CNTNAP2: variants seen among roughly 807,000 people sequenced by gnomAD.
CNTNAP2 encodes contactin associated protein 2.
Under a neutral mutation model 155.2 loss-of-function variants are expected in CNTNAP2, and 98 were observed. That is an observed-to-expected ratio of 0.63 (90% CI 0.54 to 0.75). The LOEUF (loss-of-function observed/expected upper bound fraction) is 0.75. CNTNAP2 is among the 30% of genes least tolerant of loss of function. The pLI is 0.00. For synonymous variants in CNTNAP2, 651 were observed against 631.2 expected (o/e 1.03, Z -0.47); for missense variants, 1,727 against 1,688.1 (o/e 1.02, Z -0.40).
intron 15 of CNTNAP2, among the ~76,000 whole-genome samples, chr7:148,020,178 C>T (rs1282523125): frequency 6.6e-6 from 1 of 152,230 alleles, no homozygotes; most frequent in Non-Finnish European, 1.5e-5. Flanking sequence ...TCATCATCAG[C>T]AGTACACTTG....
intron 9 of CNTNAP2, among the ~76,000 whole-genome samples, chr7:147,367,870 G>C (rs369312721): frequency 6.6e-5 from 10 of 151,146 alleles, no homozygotes; most frequent in African/African-American, 2.5e-4. Flanking sequence ...ATTGGTGTTA[G>C]ACACTTTACT....
intron 4 of CNTNAP2, chr7:147,083,083 C>G (rs539439346): frequency 6.6e-6 from 1 of 152,080 alleles, no homozygotes; most frequent in African/African-American, 2.4e-5. Flanking sequence ...ATCCAAGTAG[C>G]GGCAAGGAAA....
intron 1 of CNTNAP2, among the ~76,000 whole-genome samples, chr7:146,134,143 T>G (rs1273827910): frequency 6.6e-6 from 1 of 151,832 alleles, no homozygotes; most frequent in Non-Finnish European, 1.5e-5. Context: ...CCTTGTAAGT[T>G]GGATTCCTAG....
chr7:147,092,524 A>G (rs1033436744), intron 4 of CNTNAP2, among the ~76,000 whole-genome samples: 2 of 152,238 alleles, frequency 1.3e-5, no homozygotes, highest in Non-Finnish European at 2.9e-5. Flanking sequence ...ATAGCTTTAA[A>G]GTAATTTAGG....
chr7:146,881,401 A>G (rs1308634723), intron 3 of CNTNAP2, among the ~76,000 whole-genome samples: 1 of 152,130 alleles, frequency 6.6e-6, no homozygotes, highest in African/African-American at 2.4e-5. Flanking sequence ...ACAGTATCTT[A>G]TGGAAACCCA....
intron 4 of CNTNAP2, among the ~76,000 whole-genome samples, chr7:147,083,616 A>G (rs1305400226): frequency 1.4e-5 from 2 of 145,968 alleles, no homozygotes; most frequent in East Asian, 2.0e-4. Flanking sequence ...TGCTATATAT[A>G]AAAAATATAT....
intron 1 of CNTNAP2, among the ~76,000 whole-genome samples, chr7:146,478,315 G>T (rs1796909630): frequency 6.6e-6 from 1 of 151,904 alleles, no homozygotes. Flanking sequence ...TAAAGAAAAC[G>T]AGAAAAAGAA....
chr7:146,619,067 T>G (rs1799275481), intron 1 of CNTNAP2, among the ~76,000 whole-genome samples: 1 of 150,130 alleles, frequency 6.7e-6, no homozygotes, highest in South Asian at 2.1e-4. Flanking sequence ...AGAGTGAGAC[T>G]TCATCTCAAA....
intron 15 of CNTNAP2, among the ~76,000 whole-genome samples, chr7:148,064,141 T>C (rs749270801): frequency 3.3e-5 from 5 of 152,158 alleles, no homozygotes; most frequent in African/African-American, 4.8e-5. Flanking sequence ...AGCCTTATAG[T>C]ATAGCTTGAA....
At chr7:146,435,023 T>A (rs1301974740) in intron 1 of CNTNAP2, among the ~76,000 whole-genome samples, 1 of 152,158 alleles carries the variant, frequency 6.6e-6, no homozygotes, top group Non-Finnish European at 1.5e-5. Flanking sequence ...GGAAGTTTCT[T>A]ATTTGATATA....
At chr7:147,448,360 T>C (rs1797776839) in intron 10 of CNTNAP2, among the ~76,000 whole-genome samples, 2 of 152,058 alleles carry the variant, frequency 1.3e-5, no homozygotes, top group South Asian at 2.1e-4. Context: ...CAGTATTTTT[T>C]CCCCAGATTA....
At chr7:146,212,303 G>A (rs1799046843) in intron 1 of CNTNAP2, among the ~76,000 whole-genome samples, 1 of 152,076 alleles carries the variant, frequency 6.6e-6, no homozygotes, top group Non-Finnish European at 1.5e-5. Flanking sequence ...AATAAATGTG[G>A]ATGGAAGACG....
At chr7:148,113,306 G>A (rs1002645725) in intron 15 of CNTNAP2, among the ~76,000 whole-genome samples, 2 of 152,150 alleles carry the variant, frequency 1.3e-5, no homozygotes, top group African/African-American at 2.4e-5. Context: ...TGGAGCAGGA[G>A]CAAGAGAGAG....
At position 147,865,528 on chromosome 7, in the gene CNTNAP2, T is replaced by C. The variant is rs564378322; in HGVS notation, c.2099-38037T>C. Among the ~76,000 whole-genome samples, 65 of 152,336 alleles carry C rather than the reference T, an allele frequency of 4.3e-4. 2 individuals carry two copies. In the South Asian group the frequency reaches 0.012, roughly 29 times the overall value. The stretch of plus-strand genomic sequence containing the variant: ...TACCAGCTCCTCTTTGTACCTCTGG[T>C]AGAATTCGGCTGTGAATCTGTCTGG... On this transcript the variant is annotated intron_variant, in intron 13 of 23. Coordinates refer to ENST00000361727, the MANE Select transcript of CNTNAP2 (RefSeq NM_014141.6).
rs942127375 is a variant in CNTNAP2, at chr7:146,694,808, A to G, written c.98-79463A>G. Among the ~76,000 whole-genome samples, 3 of 152,030 alleles carry G rather than the reference A, an allele frequency of 2.0e-5. No individual in the cohort carries two copies. In the East Asian group the frequency reaches 5.8e-4, roughly 29 times the overall value. ...AACTTTTCTCATGTAGATCTTATAC[A>G]TATTTTGTCGGCCTTATATCTAAGT... On this transcript the variant is annotated intron_variant, in intron 1 of 23. Transcript: ENST00000361727.
intron 15 of CNTNAP2, among the ~76,000 whole-genome samples, chr7:148,035,562 G>A (rs1802558700): frequency 1.3e-5 from 2 of 152,128 alleles, no homozygotes; most frequent in African/African-American, 4.8e-5. Flanking sequence ...TTATTTTGTA[G>A]GCACACAAAG....
At chr7:148,003,738 A>T (rs1801932895) in intron 15 of CNTNAP2, among the ~76,000 whole-genome samples, 1 of 152,250 alleles carries the variant, frequency 6.6e-6, no homozygotes, top group Admixed American at 6.5e-5. Context: ...TTAAGTTTAG[A>T]TAAAGATTTA....
At chr7:147,967,260 A>G (rs1801232702) in intron 14 of CNTNAP2, among the ~76,000 whole-genome samples, 1 of 152,232 alleles carries the variant, frequency 6.6e-6, no homozygotes, top group Non-Finnish European at 1.5e-5. Context: ...TTCCTATATG[A>G]TAAAAAGAAT....
chr7:146,872,339 A>C (rs1795330198), intron 3 of CNTNAP2, among the ~76,000 whole-genome samples: 1 of 152,138 alleles, frequency 6.6e-6, no homozygotes, highest in Admixed American at 6.6e-5. Context: ...TGAAAAAGAA[A>C]GTTGGAAACA....
Sources: gnomAD v4.1 joint callset for allele counts (sites outside exome capture counted in the v4.1 genomes callset) on GRCh38, gnomAD v4.1.1 for gene constraint, MANE v1.5 for transcripts, NCBI Gene and HGNC (gene_info 2026-07-23, HGNC 2026-07-21) for gene names.